Variants in CSMD2 observed in about 807,000 individuals in gnomAD.
The protein encoded by CSMD2 is CUB and Sushi multiple domains 2, also known as CUB and sushi domain-containing protein 2.
CSMD2 carries 130 observed loss-of-function variants against 398.5 expected under a neutral mutation model. That is an observed-to-expected ratio of 0.33 (90% CI 0.28 to 0.38). The LOEUF (loss-of-function observed/expected upper bound fraction) is 0.38, where lower values mean the gene tolerates loss of function less well. CSMD2 is among the 10% of genes least tolerant of loss of function. The probability of loss-of-function intolerance (pLI) is 1.00; values close to 1 mark genes in which losing one functional copy is unlikely to be tolerated. For missense variants in CSMD2, 3,829 were observed against 4,764.9 expected (o/e 0.80, Z 5.78); for synonymous variants, 1,828 against 1,908.5 (o/e 0.96, Z 1.10).
intron 28 of CSMD2, among the ~76,000 whole-genome samples, 193 bp from the exon 29 acceptor site, chr1:33,647,028 G>A (rs1184891973): frequency 6.6e-6 from 1 of 152,166 alleles, no homozygotes; most frequent in African/African-American, 2.4e-5. Context: ...GTGAGAAGAT[G>A]GAAGAGGCAG....
chr1:33,654,996 TC>T (rs1466289040), intron 27 of CSMD2, among the ~76,000 whole-genome samples: 1 of 152,274 alleles, frequency 6.6e-6, no homozygotes, highest in African/African-American at 2.4e-5. Context: ...GGCATGGGCT[TC>T]CCTGGCTGCT....
intron 25 of CSMD2, among the ~76,000 whole-genome samples, chr1:33,683,624 T>TG (rs1285549590): frequency 6.6e-6 from 1 of 152,116 alleles, no homozygotes; most frequent in Non-Finnish European, 1.5e-5. Flanking sequence ...TGTAGCTCGG[T>TG]TAGATTATCG....
At chr1:33,964,043 C>T (rs931966101) in intron 3 of CSMD2, among the ~76,000 whole-genome samples, 1 of 152,202 alleles carries the variant, frequency 6.6e-6, no homozygotes, top group South Asian at 2.1e-4. Flanking sequence ...CTACAGTGTA[C>T]GAGAGTCTCC....
intron 20 of CSMD2, among the ~76,000 whole-genome samples, chr1:33,715,866 C>T (rs1420187834): frequency 1.3e-5 from 2 of 151,794 alleles, no homozygotes; most frequent in East Asian, 1.9e-4. Context: ...TGAAAAAGAT[C>T]CCAAATGAGA....
chr1:33,997,273 G>A (rs1462962565), intron 3 of CSMD2, among the ~76,000 whole-genome samples: 1 of 152,226 alleles, frequency 6.6e-6, no homozygotes, highest in African/African-American at 2.4e-5. Flanking sequence ...CCAGTGGAAT[G>A]GCTCAGTGAG....
chr1:33,586,453 T>C (rs1482742498), intron 46 of CSMD2, 51 bp downstream of exon 46: 1 of 1,209,982 alleles, frequency 8.3e-7, no homozygotes, highest in Admixed American at 1.7e-5. Flanking sequence ...ACAAGAGCTT[T>C]GTTCAGGAGG....
intron 5 of CSMD2, chr1:33,869,430 G>T (rs1431141735): frequency 2.6e-5 from 4 of 152,280 alleles, no homozygotes; most frequent in Admixed American, 1.3e-4. Flanking sequence ...GGAGGAAATG[G>T]GTGGGCACGG....
chr1:33,523,396 G>T lies in CSMD2; in HGVS notation c.10420C>A (p.His3474Asn). The change falls in exon 67 of 71, where the codon CAT (histidine) becomes AAT (asparagine). Residue 3474 changes from histidine to asparagine, a missense_variant. Coordinates refer to ENST00000373381, the MANE Select transcript of CSMD2 (RefSeq NM_001281956.2). ...ATCTGGTACACCTGGAGTAGGAGATGAAAATCTTCTTTCTTGTAAGTTCCT... is the reference window on the plus strand; with the variant it reads ...ATCTGGTACACCTGGAGTAGGAGATTAAAATCTTCTTTCTTGTAAGTTCCT... ...LAGTYKKEDFHLLLQVYQITG... is the reference protein window; with the variant it reads ...LAGTYKKEDFNLLLQVYQITG... 1 of 1,545,586 alleles carries T rather than the reference G, an allele frequency of 6.5e-7. No individual in the cohort carries two copies. Among genetic ancestry groups the T allele is most frequent in the Non-Finnish European group, 8.9e-7 (1 of 1,122,720 alleles).
At chr1:33,694,452 A>T (rs768920087) in intron 24 of CSMD2, among the ~76,000 whole-genome samples, 4 of 152,136 alleles carry the variant, frequency 2.6e-5, no homozygotes, top group Admixed American at 6.5e-5. Flanking sequence ...AGGTGACTGG[A>T]TCATGGGGCC....
intron 16 of CSMD2, 87 bp from the exon 17 acceptor site, chr1:33,725,623 TCCGAA>T: frequency 1.6e-6 from 2 of 1,267,582 alleles, no homozygotes; most frequent in Non-Finnish European, 1.1e-6. Flanking sequence ...ACCCAGGGCT[TCCGAA>T]TAACCAGATT....
chr1:33,570,653 C>T (rs942995192), intron 51 of CSMD2, among the ~76,000 whole-genome samples: 2 of 152,124 alleles, frequency 1.3e-5, no homozygotes, highest in African/African-American at 2.4e-5. Flanking sequence ...CTTTTAGGAC[C>T]GAGGGACTTA....
chr1:33,542,566 T>C (rs1204457587), intron 58 of CSMD2, among the ~76,000 whole-genome samples, 154 bp downstream of exon 58: 2 of 152,356 alleles, frequency 1.3e-5, no homozygotes, highest in East Asian at 1.9e-4. Flanking sequence ...CCACATAGCA[T>C]ATGCTCAACA....
rs1285493258 is a variant in CSMD2 at position 33,540,710 on chromosome 1, C to A, written c.9458-12G>T. The A allele has an allele frequency of 6.2e-7, 1 of 1,613,832 alleles. No individual in the cohort carries two copies. The highest frequency in any genetic ancestry group is 2.2e-5 in the East Asian group (1 of 44,876). On this transcript the variant is annotated splice_polypyrimidine_tract_variant and intron_variant, in intron 59 of 70. Transcript: ENST00000373381. ...CTTGCACATGAGAGCTGGAGGGAGACCAAAGCAGGCTGAGTTCTGATGCTG... is the reference window on the plus strand; with the variant it reads ...CTTGCACATGAGAGCTGGAGGGAGAACAAAGCAGGCTGAGTTCTGATGCTG...
At chr1:34,021,675 A>G (rs1017307375) in intron 3 of CSMD2, among the ~76,000 whole-genome samples, 3 of 152,208 alleles carry the variant, frequency 2.0e-5, no homozygotes, top group Admixed American at 1.3e-4. Context: ...AGTTCAATGC[A>G]GAAAATTGAG....
At chr1:33,714,515 C>T (rs1646097467) in intron 21 of CSMD2, 72 bp downstream of exon 21, 32 of 1,526,302 alleles carry the variant, frequency 2.1e-5, no homozygotes, top group Non-Finnish European at 2.9e-5. Context: ...TGCCGTCCAC[C>T]ACCTCACATC....
chr1:33,936,946 G>A (rs778805105), intron 3 of CSMD2, among the ~76,000 whole-genome samples: 13 of 152,216 alleles, frequency 8.5e-5, no homozygotes, highest in Non-Finnish European at 1.9e-4. Flanking sequence ...CATGCAGCCG[G>A]ATGGTGGTAA....
At chr1:33,866,453 T>C (rs1640041794) in intron 5 of CSMD2, among the ~76,000 whole-genome samples, 1 of 152,222 alleles carries the variant, frequency 6.6e-6, no homozygotes, top group Admixed American at 6.5e-5. Flanking sequence ...CTTATTCCAC[T>C]TGACAACTTT....
chr1:33,822,559 G>T (rs2246823), intron 7 of CSMD2, among the ~76,000 whole-genome samples: 2 of 151,950 alleles, frequency 1.3e-5, no homozygotes, highest in African/African-American at 4.8e-5. Flanking sequence ...TGTCTCTTAC[G>T]CCCATCCCCT....
chr1:33,719,067 G>A (rs547003470), intron 19 of CSMD2, among the ~76,000 whole-genome samples: 18 of 111,766 alleles, frequency 1.6e-4, no homozygotes, highest in Admixed American at 1.3e-3. Flanking sequence ...ATTCAGAGTG[G>A]GGCATGGAGG....
Sources: gnomAD v4.1 joint callset for allele counts (sites outside exome capture counted in the v4.1 genomes callset) on GRCh38, gnomAD v4.1.1 for gene constraint, MANE v1.5 for transcripts, NCBI Gene and HGNC (gene_info 2026-07-23, HGNC 2026-07-21) for gene names.